The following ROBO2 variants were observed in gnomAD, a reference collection of about 807,000 sequenced individuals.
ROBO2 encodes roundabout guidance receptor 2.
A neutral mutation model predicts 160.8 loss-of-function variants in ROBO2; 53 were observed. The ratio of observed to expected loss-of-function variants is 0.33; its 90% CI spans 0.26 to 0.41. The LOEUF (loss-of-function observed/expected upper bound fraction) is 0.41. ROBO2 is among the 10% of genes least tolerant of loss of function. The pLI is 1.00. For missense variants in ROBO2, 1,577 were observed against 1,722.4 expected, an observed-to-expected ratio of 0.92 and a Z score of 1.49; for synonymous variants, 664 against 611.7, an observed-to-expected ratio of 1.09 and a Z score of -1.26.
chr3:77,323,038 A>G (rs2064966039), intron 2 of ROBO2, among the ~76,000 whole-genome samples: 2 of 140,576 alleles, frequency 1.4e-5, no homozygotes, highest in Non-Finnish European at 3.0e-5. Flanking sequence ...ATTATATTAT[A>G]TTATGGATAA....
At chr3:77,166,955 A>G (rs2079152858) in intron 2 of ROBO2, among the ~76,000 whole-genome samples, 1 of 152,190 alleles carries the variant, frequency 6.6e-6, no homozygotes, top group Non-Finnish European at 1.5e-5. Context: ...ATGTCAACTC[A>G]TTGCTATTTA....
chr3:77,218,323 T>G (rs2085251641), intron 2 of ROBO2, among the ~76,000 whole-genome samples: 1 of 152,122 alleles, frequency 6.6e-6, no homozygotes, highest in Non-Finnish European at 1.5e-5. Context: ...TCTCGATCCT[T>G]AGGCTTTTCT....
In ROBO2 at chr3:76,742,084, G is replaced by T. The variant is rs2093811320; in HGVS notation, c.110-355930G>T. Among the ~76,000 whole-genome samples the T allele has an allele frequency of 2.0e-5, 3 of 152,116 alleles. No individual in the cohort carries two copies. In the South Asian group the frequency reaches 6.2e-4, roughly 31 times the overall value. On this transcript the variant is annotated intron_variant, in intron 2 of 26. Transcript: ENST00000487694. ...AGTGAAAAATTTCATTATATACGAAGATTTGAATACCTTCATGAGAGTAGA... is the reference window on the plus strand; with the variant it reads ...AGTGAAAAATTTCATTATATACGAATATTTGAATACCTTCATGAGAGTAGA...
At chr3:75,942,309 G>A (rs75892933) in intron 2 of ROBO2, among the ~76,000 whole-genome samples, 1 of 152,062 alleles carries the variant, frequency 6.6e-6, no homozygotes, top group Non-Finnish European at 1.5e-5. Flanking sequence ...ATATTGCTTC[G>A]AGAGAGGTGA....
At chr3:77,060,795 T>C (rs879348409) in intron 1 of ROBO2, among the ~76,000 whole-genome samples, 1 of 152,198 alleles carries the variant, frequency 6.6e-6, no homozygotes, top group Non-Finnish European at 1.5e-5. Context: ...TCCCTCTCTG[T>C]CTTTTTCTAA....
intron 2 of ROBO2, among the ~76,000 whole-genome samples, chr3:76,325,029 C>T (rs2072893369): frequency 6.6e-6 from 1 of 152,134 alleles, no homozygotes; most frequent in African/African-American, 2.4e-5. Flanking sequence ...GGCATGAACC[C>T]GGGAGGCGGA....
intron 2 of ROBO2, among the ~76,000 whole-genome samples, chr3:76,278,755 T>G (rs1708073685): frequency 6.6e-6 from 1 of 151,880 alleles, no homozygotes; most frequent in Non-Finnish European, 1.5e-5. Flanking sequence ...ACACATATCT[T>G]TAGGGGGAAT....
chr3:76,051,734 T>A (rs1463752815), intron 2 of ROBO2, among the ~76,000 whole-genome samples: 1 of 152,140 alleles, frequency 6.6e-6, no homozygotes, highest in East Asian at 1.9e-4. Flanking sequence ...TACCACATTA[T>A]CTTTCATATC....
Position 76,834,062 on chromosome 3 carries a change from T to TC in ROBO2, c.110-263952_110-263951insC, listed in dbSNP as rs1553651248. On this transcript the variant is annotated intron_variant, in intron 2 of 26. Coordinates refer to the ROBO2 transcript ENST00000487694. ...TTCCTTTCTTTCTCTCCTTTCTTTC[T>TC]TTTCTTTCTTTCTTTCTTTCTTTCT... Among the ~76,000 whole-genome samples, 10 of 88,012 alleles carry TC rather than the reference T, an allele frequency of 1.1e-4. 2 individuals are homozygous for TC. The highest frequency in any genetic ancestry group is 2.2e-4 in the Non-Finnish European group (10 of 45,602). 57.7% of individuals were successfully genotyped at this position (88,012 alleles called of 152,430 possible). A position where few individuals can be genotyped will look rare whatever the true frequency, so the allele number is the denominator to read the frequency against.
At chr3:77,018,981 T>C (rs2062455029) in intron 2 of ROBO2, among the ~76,000 whole-genome samples, 1 of 152,188 alleles carries the variant, frequency 6.6e-6, no homozygotes, top group Non-Finnish European at 1.5e-5. Flanking sequence ...TCCCTGTCCC[T>C]GATCCAAGTA....
intron 2 of ROBO2, among the ~76,000 whole-genome samples, chr3:77,308,708 C>T (rs2063301102): frequency 6.6e-6 from 1 of 152,100 alleles, no homozygotes; most frequent in Admixed American, 6.6e-5. Context: ...TCATAGCTTT[C>T]CAAAATCTAA....
Position 76,868,139 on chromosome 3 carries a change from A to C in ROBO2, c.110-229875A>C, listed in dbSNP as rs1197330032. 3.3e-5 allele frequency among the ~76,000 whole-genome samples: 5 copies of C among 152,198 alleles called. No individual in the cohort carries two copies. The East Asian group carries it at 9.6e-4, about 29-fold the overall frequency. ...ATTTTCAGGCATAGTAAATACATAC[A>C]TATTTCAATTTTGTAAGTTACGATT... On this transcript the variant is annotated intron_variant, in intron 2 of 26. Coordinates refer to the ROBO2 transcript ENST00000487694.
At chr3:77,451,324 G>A (rs994863313) in intron 2 of ROBO2, among the ~76,000 whole-genome samples, 1 of 151,878 alleles carries the variant, frequency 6.6e-6, no homozygotes, top group Non-Finnish European at 1.5e-5. Flanking sequence ...TATGCTGAAA[G>A]GATCCTCCAA....
At chr3:76,517,139 TG>T (rs1243265207) in intron 2 of ROBO2, among the ~76,000 whole-genome samples, 1 of 152,186 alleles carries the variant, frequency 6.6e-6, no homozygotes, top group Non-Finnish European at 1.5e-5. Context: ...ACAGTGTGAT[TG>T]CAAGCCAGTG....
chr3:76,165,109 G>A (rs889103953), intron 2 of ROBO2, among the ~76,000 whole-genome samples: 4 of 152,086 alleles, frequency 2.6e-5, no homozygotes, highest in Admixed American at 2.0e-4. Flanking sequence ...GAAGCCAGAC[G>A]TTGACTTTTC....
chr3:77,075,713 G>A (rs1467513584), intron 1 of ROBO2, among the ~76,000 whole-genome samples: 17 of 110,380 alleles, frequency 1.5e-4, no homozygotes, highest in East Asian at 2.9e-4. Flanking sequence ...AGTCTTGCTC[G>A]TGTCACCCAG....
intron 2 of ROBO2, among the ~76,000 whole-genome samples, chr3:77,221,476 GCTCAATCCAGT>G (rs1442621674): frequency 3.3e-5 from 5 of 152,116 alleles, no homozygotes; most frequent in African/African-American, 1.2e-4. Flanking sequence ...TGGGATTCAG[GCTCAATCCAGT>G]CTTTTGTGTA....
chr3:76,079,798 G>A lies in ROBO2; in HGVS notation c.109+142196G>A, dbSNP rs191212322. 2.4e-4 allele frequency among the ~76,000 whole-genome samples: 37 copies of A among 151,582 alleles called. No homozygotes were observed. The East Asian group carries it at 7.2e-3, about 29-fold the overall frequency. On this transcript the variant is annotated intron_variant, in intron 2 of 26. Coordinates refer to the ROBO2 transcript ENST00000487694. Reference sequence around the variant, plus strand: ...GAATGAAGTAAAGTCTGACTAAGTAGGCAGAAATTACAAACAAGGGACTAA... The same window carrying A: ...GAATGAAGTAAAGTCTGACTAAGTAAGCAGAAATTACAAACAAGGGACTAA...
chr3:76,829,243 C>A (rs2109285849), intron 2 of ROBO2, among the ~76,000 whole-genome samples: 1 of 152,264 alleles, frequency 6.6e-6, no homozygotes, highest in African/African-American at 2.4e-5. Flanking sequence ...TTCCCTCAAC[C>A]TAGTCTTAAA....
Sources: allele counts gnomAD v4.1 joint callset (sites outside exome capture counted in the v4.1 genomes callset), GRCh38; gene constraint gnomAD v4.1.1; transcripts MANE v1.5; gene names NCBI Gene and HGNC (gene_info 2026-07-23, HGNC 2026-07-21).